The following MAML3 variants were observed in gnomAD, a reference collection of about 807,000 sequenced individuals.
MAML3 encodes mastermind-like protein 3.
In MAML3, 27 loss-of-function variants were observed where a neutral mutation model predicts 101.9. The ratio of observed to expected loss-of-function variants is 0.27; its 90% CI spans 0.20 to 0.37. The LOEUF (loss-of-function observed/expected upper bound fraction) is 0.37. Ranked by LOEUF, MAML3 falls within the 10% of genes least tolerant of loss-of-function variation. The pLI, the probability that MAML3 is intolerant of heterozygous loss-of-function variation, is 1.00. For synonymous variants in MAML3, 501 were observed against 555.9 expected (o/e 0.90, Z 1.39); for missense variants, 1,316 against 1,444.9 (o/e 0.91, Z 1.45).
chr4:139,892,343 T>C (rs1288709199), intron 1 of MAML3, among the ~76,000 whole-genome samples: 1 of 152,168 alleles, frequency 6.6e-6, no homozygotes, highest in South Asian at 2.1e-4. Context: ...TACTTGAGCA[T>C]TTTTCTTGAA....
At chr4:140,110,546 G>A (rs1377763239) in intron 1 of MAML3, among the ~76,000 whole-genome samples, 1 of 152,242 alleles carries the variant, frequency 6.6e-6, no homozygotes, top group African/African-American at 2.4e-5. Context: ...TCTCATTCAT[G>A]CAGTATTAAA....
chr4:139,987,683 C>G (rs1040983671), intron 1 of MAML3, among the ~76,000 whole-genome samples: 5 of 152,054 alleles, frequency 3.3e-5, no homozygotes, highest in Admixed American at 2.6e-4. Flanking sequence ...GTCTGGTGCA[C>G]CTTCCCGCCT....
At chr4:139,792,823 C>A (rs1259769745) in intron 2 of MAML3, among the ~76,000 whole-genome samples, 3 of 151,472 alleles carry the variant, frequency 2.0e-5, no homozygotes, top group Non-Finnish European at 4.4e-5. Flanking sequence ...CGGCTCACTG[C>A]AAGCTCCGCC....
intron 1 of MAML3, among the ~76,000 whole-genome samples, chr4:140,021,638 A>T (rs2110877229): frequency 6.6e-6 from 1 of 152,000 alleles, no homozygotes; most frequent in African/African-American, 2.4e-5. Flanking sequence ...TCCCTCTCTG[A>T]TTCCTTTTTC....
chr4:140,050,328 G>C (rs967172992), intron 1 of MAML3, among the ~76,000 whole-genome samples: 2 of 152,066 alleles, frequency 1.3e-5, no homozygotes. Context: ...TCCTTCTTTC[G>C]TTCGTAGAGA....
intron 1 of MAML3, among the ~76,000 whole-genome samples, chr4:140,083,523 C>T (rs1047210049): frequency 1.3e-5 from 2 of 152,178 alleles, no homozygotes; most frequent in African/African-American, 2.4e-5. Context: ...CTTGTTTGCA[C>T]ATAAATGCTA....
intron 1 of MAML3, among the ~76,000 whole-genome samples, chr4:139,986,927 T>C (rs185100370): frequency 2.0e-5 from 3 of 152,314 alleles, no homozygotes; most frequent in Admixed American, 2.0e-4. Context: ...GGCTGTGTGC[T>C]TGCCCTGAAT....
intron 1 of MAML3, among the ~76,000 whole-genome samples, chr4:140,039,217 G>A (rs1340957448): frequency 6.6e-6 from 1 of 152,144 alleles, no homozygotes; most frequent in Non-Finnish European, 1.5e-5. Flanking sequence ...ACAGAAAGAA[G>A]AGTAAATTCA....
chr4:139,933,628 T>G (rs980351162), intron 1 of MAML3, among the ~76,000 whole-genome samples: 10 of 152,200 alleles, frequency 6.6e-5, no homozygotes. Flanking sequence ...GGCTACGCTG[T>G]TTGGGCCTGA....
chr4:140,154,082 T>C lies in MAML3; in HGVS notation c.-755A>G, dbSNP rs1484208917. 1 of 172,646 alleles carries C rather than the reference T, an allele frequency of 5.8e-6. No homozygotes were observed. Among genetic ancestry groups the C allele is most frequent in the South Asian group, 1.1e-4 (1 of 9,506 alleles). 10.7% of individuals were successfully genotyped at this position (172,646 alleles called of 1,614,324 possible). A position where few individuals can be genotyped will look rare whatever the true frequency, so the allele number is the denominator to read the frequency against. On this transcript the variant is annotated 5_prime_UTR_variant, in exon 1 of 5. Coordinates refer to ENST00000509479, the MANE Select transcript of MAML3 (RefSeq NM_018717.5). ...GGGCTGCCGCTGCCGCCGCTGCTCC[T>C]GCCACCATCACAATGATCAACTGCT...
At chr4:139,860,768 G>A (rs754535219) in intron 2 of MAML3, among the ~76,000 whole-genome samples, 39 of 152,096 alleles carry the variant, frequency 2.6e-4, no homozygotes, top group Non-Finnish European at 5.0e-4. Flanking sequence ...AGGTATTGTA[G>A]GTACTCAGTA....
intron 2 of MAML3, among the ~76,000 whole-genome samples, chr4:139,792,175 GGA>G (rs1332801257): frequency 1.3e-5 from 2 of 152,180 alleles, no homozygotes; most frequent in Non-Finnish European, 2.9e-5. Context: ...ATGGATATAT[GGA>G]GAGAGCAGAA....
intron 1 of MAML3, among the ~76,000 whole-genome samples, chr4:140,024,270 C>T (rs2320821): frequency 0.14 from 20,553 of 151,530 alleles, 2,295 homozygotes; most frequent in East Asian, 0.56. Flanking sequence ...CTCCGTCGCC[C>T]AGGCTGGAGT....
At chr4:139,939,670 A>G (rs1332832836) in intron 1 of MAML3, among the ~76,000 whole-genome samples, 31 of 151,802 alleles carry the variant, frequency 2.0e-4, no homozygotes, top group Non-Finnish European at 1.0e-4. Flanking sequence ...TTTCCATTCA[A>G]CTATACATTC....
At chr4:140,097,461 C>T (rs180764060) in intron 1 of MAML3, among the ~76,000 whole-genome samples, 38 of 151,936 alleles carry the variant, frequency 2.5e-4, no homozygotes, top group African/African-American at 8.9e-4. Context: ...GCAAGTACAA[C>T]CAAAGTAAAT....
At chr4:139,744,199 T>C (rs1216097396) in intron 2 of MAML3, among the ~76,000 whole-genome samples, 4 of 152,222 alleles carry the variant, frequency 2.6e-5, no homozygotes, top group Non-Finnish European at 5.9e-5. Context: ...ATTGCCAGGG[T>C]GGCTGACCTA....
At chr4:139,962,140 G>A (rs1322433219) in intron 1 of MAML3, among the ~76,000 whole-genome samples, 2 of 151,252 alleles carry the variant, frequency 1.3e-5, no homozygotes, top group East Asian at 1.9e-4. Context: ...TTTTTTTAAA[G>A]TTAGACACTT....
chr4:139,898,549 C>A (rs1358712315), intron 1 of MAML3, among the ~76,000 whole-genome samples: 1 of 152,218 alleles, frequency 6.6e-6, no homozygotes, highest in Non-Finnish European at 1.5e-5. Context: ...GCCTCTTCAA[C>A]CAAAAGTGTG....
At chr4:140,069,816 T>TAA (rs1157399266) in intron 1 of MAML3, among the ~76,000 whole-genome samples, 6 of 144,250 alleles carry the variant, frequency 4.2e-5, no homozygotes, top group African/African-American at 1.5e-4. Flanking sequence ...CTGGAGTCCT[T>TAA]AAAAAAAAAA....
Sources: gnomAD v4.1 joint callset for allele counts (sites outside exome capture counted in the v4.1 genomes callset) on GRCh38, gnomAD v4.1.1 for gene constraint, MANE v1.5 for transcripts, NCBI Gene and HGNC (gene_info 2026-07-23, HGNC 2026-07-21) for gene names.